The following HCN1 variants were observed in gnomAD, a reference collection of about 807,000 sequenced individuals.
HCN1 encodes the protein potassium/sodium hyperpolarization-activated cyclic nucleotide-gated channel 1.
Under a neutral mutation model 78.9 loss-of-function variants are expected in HCN1, and 13 were observed. The ratio of observed to expected loss-of-function variants is 0.16; its 90% CI spans 0.11 to 0.26. HCN1 has a LOEUF of 0.26. Ranked by LOEUF, HCN1 falls within the 10% of genes least tolerant of loss-of-function variation. The probability of loss-of-function intolerance (pLI) is 1.00; values close to 1 mark genes in which losing one functional copy is unlikely to be tolerated. For missense variants in HCN1, 810 were observed against 1,154.3 expected (o/e 0.70, Z 4.32); for synonymous variants, 552 against 455.5 (o/e 1.21, Z -2.70).
intron 2 of HCN1, among the ~76,000 whole-genome samples, chr5:45,497,748 A>G (rs78677043): frequency 0.01 from 1,590 of 152,094 alleles, 18 homozygotes; most frequent in Middle Eastern, 0.031. Flanking sequence ...CATGTTTAGC[A>G]CTTCCTTCAG....
intron 2 of HCN1, among the ~76,000 whole-genome samples, chr5:45,545,210 C>A (rs1178153640): frequency 1.3e-5 from 2 of 152,198 alleles, no homozygotes; most frequent in Non-Finnish European, 1.5e-5. Flanking sequence ...TGATGATGAG[C>A]ATTTTTTCAT....
chr5:45,344,102 C>A (rs1746646757), intron 5 of HCN1, among the ~76,000 whole-genome samples: 7 of 152,042 alleles, frequency 4.6e-5, no homozygotes, highest in African/African-American at 1.4e-4. Context: ...AAAGGGGAAG[C>A]AAACATGTCC....
intron 4 of HCN1, among the ~76,000 whole-genome samples, chr5:45,381,266 C>A (rs1445950552): frequency 6.6e-6 from 1 of 151,976 alleles, no homozygotes; most frequent in Non-Finnish European, 1.5e-5. Flanking sequence ...AGAAACCTAT[C>A]CTACGATATA....
chr5:45,332,721 A>G (rs1277253739), intron 5 of HCN1, among the ~76,000 whole-genome samples: 1 of 151,658 alleles, frequency 6.6e-6, no homozygotes, highest in African/African-American at 2.4e-5. Flanking sequence ...GATTCCACAA[A>G]AAAGTGAGAA....
intron 2 of HCN1, among the ~76,000 whole-genome samples, chr5:45,510,497 T>A (rs1742392544): frequency 6.6e-6 from 1 of 152,092 alleles, no homozygotes; most frequent in African/African-American, 2.4e-5. Context: ...TTTATTTGAT[T>A]AGAGGTAAGT....
At chr5:45,343,232 T>TG (rs536139671) in intron 5 of HCN1, among the ~76,000 whole-genome samples, 30 of 152,284 alleles carry the variant, frequency 2.0e-4, no homozygotes, top group Admixed American at 1.3e-3. Flanking sequence ...ATAGAGGGAC[T>TG]GGAAGATGAG....
intron 4 of HCN1, among the ~76,000 whole-genome samples, chr5:45,372,150 A>G (rs1213539030): frequency 1.7e-5 from 1 of 57,740 alleles, no homozygotes; most frequent in Non-Finnish European, 2.6e-5. Flanking sequence ...AATATATTAT[A>G]TAATATGTTA....
At chr5:45,317,179 A>C (rs539740574) in intron 5 of HCN1, among the ~76,000 whole-genome samples, 1 of 152,330 alleles carries the variant, frequency 6.6e-6, no homozygotes, top group East Asian at 1.9e-4. Flanking sequence ...CTACAAAGCT[A>C]CAGTAACCAA....
At chr5:45,574,348 T>C (rs1232405244) in intron 2 of HCN1, among the ~76,000 whole-genome samples, 2 of 152,062 alleles carry the variant, frequency 1.3e-5, no homozygotes. Flanking sequence ...TTATATCTGT[T>C]ATGGTGATCT....
chr5:45,280,920 A>T (rs1745148624), intron 6 of HCN1, among the ~76,000 whole-genome samples: 1 of 151,958 alleles, frequency 6.6e-6, no homozygotes, highest in African/African-American at 2.4e-5. Flanking sequence ...TTTCTTTTCC[A>T]TTCAAGTGTC....
chr5:45,428,902 C>A (rs1035312985), intron 3 of HCN1, among the ~76,000 whole-genome samples: 1 of 151,848 alleles, frequency 6.6e-6, no homozygotes, highest in African/African-American at 2.4e-5. Context: ...CGGAAAAGTG[C>A]ATAAGGAAGT....
intron 5 of HCN1, among the ~76,000 whole-genome samples, chr5:45,338,455 T>C (rs1330069138): frequency 6.6e-6 from 1 of 152,182 alleles, no homozygotes; most frequent in Admixed American, 6.6e-5. Flanking sequence ...ATTCTAATCA[T>C]GTATATTAGA....
chr5:45,521,142 C>T (rs1579946171), intron 2 of HCN1, among the ~76,000 whole-genome samples: 1 of 151,800 alleles, frequency 6.6e-6, no homozygotes, highest in Admixed American at 6.6e-5. Flanking sequence ...TTCAGGAATC[C>T]AAAGAAGATA....
At position 45,375,383 on chromosome 5, in the gene HCN1, A is replaced by C. The variant is rs888240992; in HGVS notation, c.1230+21109T>G. Among the ~76,000 whole-genome samples the C allele has an allele frequency of 2.1e-3, 242 of 112,944 alleles. 2 individuals are homozygous for C. The highest frequency in any genetic ancestry group is 6.5e-3 in the East Asian group (24 of 3,668). The allele number at this position is 112,944 out of a possible 152,430, so 74.1% of individuals were successfully genotyped here. On this transcript the variant is annotated intron_variant, in intron 4 of 7. Transcript: ENST00000303230. ...TTATGATATACAATATATATAATATAATATTTTATGATACATATTATATAT... is the reference window on the plus strand; with the variant it reads ...TTATGATATACAATATATATAATATCATATTTTATGATACATATTATATAT...
intron 3 of HCN1, among the ~76,000 whole-genome samples, chr5:45,414,770 C>T (rs770919101): frequency 6.6e-6 from 1 of 151,996 alleles, no homozygotes; most frequent in Non-Finnish European, 1.5e-5. Context: ...TACACAGGTT[C>T]CCATTCCTGC....
intron 2 of HCN1, among the ~76,000 whole-genome samples, chr5:45,582,982 T>A (rs1363862210): frequency 7.3e-5 from 1 of 13,648 alleles, no homozygotes. Context: ...TAAAATTCTC[T>A]TTTTTTTTTT....
At chr5:45,619,606 C>A in intron 2 of HCN1, among the ~76,000 whole-genome samples, 1 of 151,520 alleles carries the variant, frequency 6.6e-6, no homozygotes, top group Admixed American at 6.6e-5. Flanking sequence ...ATAATAAATG[C>A]AGAATAAATG....
chr5:45,306,631 T>G (rs1745739477), intron 5 of HCN1, among the ~76,000 whole-genome samples: 2 of 152,110 alleles, frequency 1.3e-5, no homozygotes, highest in African/African-American at 4.8e-5. Flanking sequence ...ATGTCTAGTA[T>G]AGTAGAAACA....
chr5:45,524,153 CAA>C (rs1292871243), intron 2 of HCN1, among the ~76,000 whole-genome samples: 2 of 152,084 alleles, frequency 1.3e-5, no homozygotes, highest in African/African-American at 4.8e-5. Flanking sequence ...TCAGGTTTGT[CAA>C]AGATCAGATA....
Sources: gnomAD v4.1 joint callset for allele counts (sites outside exome capture counted in the v4.1 genomes callset) on GRCh38, gnomAD v4.1.1 for gene constraint, MANE v1.5 for transcripts, NCBI Gene and HGNC (gene_info 2026-07-23, HGNC 2026-07-21) for gene names.